The following EFR3A variants were observed in gnomAD, a reference collection of about 807,000 sequenced individuals.
EFR3A encodes protein EFR3 homolog A.
A neutral mutation model predicts 104.4 loss-of-function variants in EFR3A; 76 were observed. The ratio of observed to expected loss-of-function variants is 0.73; its 90% CI spans 0.60 to 0.88. The LOEUF is 0.88. EFR3A is among the 40% of genes least tolerant of loss of function. The pLI, the probability that EFR3A is intolerant of heterozygous loss-of-function variation, is 0.00. For synonymous variants in EFR3A, 330 were observed against 330.0 expected, an observed-to-expected ratio of 1.00 and a Z score of 0.00; for missense variants, 985 against 1,012.5, an observed-to-expected ratio of 0.97 and a Z score of 0.37.
intron 1 of EFR3A, among the ~76,000 whole-genome samples, chr8:131,909,901 T>C (rs912956764): frequency 6.6e-6 from 1 of 152,200 alleles, no homozygotes; most frequent in Non-Finnish European, 1.5e-5. Context: ...TTAAATGTTA[T>C]AGACCATACT....
chr8:131,968,622 T>C (rs1586623692), intron 9 of EFR3A, among the ~76,000 whole-genome samples, 192 bp downstream of exon 9: 1 of 152,310 alleles, frequency 6.6e-6, no homozygotes, highest in African/African-American at 2.4e-5. Flanking sequence ...GTATTTTCCT[T>C]CACATCAATT....
At chr8:131,926,843 T>C (rs1480896323) in intron 1 of EFR3A, among the ~76,000 whole-genome samples, 1 of 152,168 alleles carries the variant, frequency 6.6e-6, no homozygotes, top group Non-Finnish European at 1.5e-5. Context: ...AGTCAAATGC[T>C]GTTAGTTTTC....
intron 1 of EFR3A, among the ~76,000 whole-genome samples, chr8:131,916,589 A>G (rs562153253): frequency 6.6e-6 from 1 of 152,236 alleles, no homozygotes; most frequent in Non-Finnish European, 1.5e-5. Context: ...TATAGAGGCT[A>G]AAGAAGCTGA....
intron 1 of EFR3A, among the ~76,000 whole-genome samples, chr8:131,933,254 A>G (rs1817707459): frequency 6.6e-6 from 1 of 151,932 alleles, no homozygotes; most frequent in African/African-American, 2.4e-5. Flanking sequence ...TCTTGCCAAG[A>G]CTCTTCCCCC....
chr8:131,959,284 TGTTA>T (rs1273932616), intron 7 of EFR3A, among the ~76,000 whole-genome samples: 1 of 152,190 alleles, frequency 6.6e-6, no homozygotes, highest in Admixed American at 6.5e-5. Flanking sequence ...CAGATTTACT[TGTTA>T]GTTAAAATTA....
At chr8:131,920,949 A>G (rs1026850102) in intron 1 of EFR3A, among the ~76,000 whole-genome samples, 4 of 152,234 alleles carry the variant, frequency 2.6e-5, no homozygotes, top group Admixed American at 6.5e-5. Flanking sequence ...TGAAAGAATC[A>G]GACTAGTAGA....
chr8:131,933,552 T>C (rs1214574422), intron 1 of EFR3A, among the ~76,000 whole-genome samples: 1 of 152,150 alleles, frequency 6.6e-6, no homozygotes, highest in African/African-American at 2.4e-5. Flanking sequence ...CAGAATAATA[T>C]TTTCCAAAAG....
At chr8:131,944,615 G>A (rs1211208569) in intron 2 of EFR3A, 130 bp from the exon 3 acceptor site, 6 of 917,252 alleles carry the variant, frequency 6.5e-6, no homozygotes, top group Middle Eastern at 3.4e-4. Context: ...AGGAGGTTAT[G>A]TGCAGAAGGG....
intron 17 of EFR3A, 79 bp from the exon 18 acceptor site, chr8:131,987,496 T>C: frequency 7.1e-7 from 1 of 1,418,356 alleles, no homozygotes; most frequent in Non-Finnish European, 9.4e-7. Flanking sequence ...AGGCTTTTGC[T>C]CTGGAATGTT....
At position 131,972,378 on chromosome 8, in the gene EFR3A, G is replaced by C. The variant is rs151178181; in HGVS notation, c.1159+1735G>C. ...AAAGGAGCTGCGGTTGTTTTTAGTG[G>C]ATAGTAGTATTAGAGACTAAGATCT... On this transcript the variant is annotated intron_variant, in intron 10 of 22. Transcript: ENST00000254624. Among the ~76,000 whole-genome samples, 673 of 151,426 alleles carry C rather than the reference G, an allele frequency of 4.4e-3. 5 individuals are homozygous for C. The highest frequency in any genetic ancestry group is 0.016 in the African/African-American group (647 of 41,374).
In EFR3A at chr8:131,904,632, A is replaced by G. The variant is rs958624479; in HGVS notation, c.10+310A>G. On this transcript the variant is annotated intron_variant, in intron 1 of 22. Transcript: ENST00000254624. ...GTTAAAGCCCTTTTCCCACGGCCAC[A>G]CGGCTTCGTGGGACTTTATGGAAAT... Among the ~76,000 whole-genome samples, 6 of 152,336 alleles carry G rather than the reference A, an allele frequency of 3.9e-5. No individual in the cohort carries two copies. In the South Asian group the frequency reaches 1.2e-3, roughly 32 times the overall value.
chr8:131,951,603 C>G (rs1169727211), intron 5 of EFR3A, among the ~76,000 whole-genome samples: 2 of 152,030 alleles, frequency 1.3e-5, no homozygotes, highest in East Asian at 1.9e-4. Context: ...GTACGTTTTT[C>G]TAAGTATTTA....
At chr8:131,973,362 A>G (rs1306998685) in intron 10 of EFR3A, among the ~76,000 whole-genome samples, 1 of 152,084 alleles carries the variant, frequency 6.6e-6, no homozygotes. Flanking sequence ...TTTTCACAGA[A>G]TTGATTTACA....
At chr8:131,974,707 G>A (rs1052772369) in intron 10 of EFR3A, among the ~76,000 whole-genome samples, 13 of 152,156 alleles carry the variant, frequency 8.5e-5, no homozygotes, top group African/African-American at 3.1e-4. Flanking sequence ...TATTCCGTAA[G>A]TGTTAACAAC....
At chr8:131,940,604 C>G (rs377547077) in intron 2 of EFR3A, 29 bp downstream of exon 2, 44 of 1,586,316 alleles carry the variant, frequency 2.8e-5, no homozygotes, top group Non-Finnish European at 3.6e-5. Flanking sequence ...ACTGATCCTT[C>G]TCTTTGCTGA....
At chr8:131,943,270 T>A (rs1818250831) in intron 2 of EFR3A, among the ~76,000 whole-genome samples, 1 of 152,144 alleles carries the variant, frequency 6.6e-6, no homozygotes, top group Non-Finnish European at 1.5e-5. Flanking sequence ...ATCTTATTTT[T>A]AGCAGTGTCT....
chr8:131,985,130 T>G (rs1820811542), intron 16 of EFR3A, 70 bp downstream of exon 16: 18 of 1,459,550 alleles, frequency 1.2e-5, no homozygotes, highest in South Asian at 3.8e-5. Context: ...CAGTGATGAT[T>G]ATTTTTAACT....
intron 5 of EFR3A, among the ~76,000 whole-genome samples, chr8:131,951,523 A>G (rs75649920): frequency 0.02 from 3,112 of 152,246 alleles, 47 homozygotes; most frequent in South Asian, 0.042. Flanking sequence ...TTAGCTAAAG[A>G]AAATGGCAAT....
At chr8:131,998,744 T>C (rs1354315590) in intron 19 of EFR3A, among the ~76,000 whole-genome samples, 2 of 152,102 alleles carry the variant, frequency 1.3e-5, no homozygotes, top group Non-Finnish European at 2.9e-5. Context: ...TTATACCTTT[T>C]ACATATCTCA....
Sources: allele counts gnomAD v4.1 joint callset (sites outside exome capture counted in the v4.1 genomes callset), GRCh38; gene constraint gnomAD v4.1.1; transcripts MANE v1.5; gene names NCBI Gene and HGNC (gene_info 2026-07-23, HGNC 2026-07-21).